SMCR8: variants seen among roughly 807,000 people sequenced by gnomAD.
SMCR8 encodes guanine nucleotide exchange protein SMCR8.
SMCR8 carries 30 observed loss-of-function variants against 56.6 expected under a neutral mutation model. The observed-to-expected ratio is 0.53, with a 90% CI of 0.40 to 0.72. The LOEUF (loss-of-function observed/expected upper bound fraction) is 0.72. SMCR8 is among the 30% of genes least tolerant of loss of function. SMCR8 has a pLI of 0.00. For missense variants in SMCR8, 1,198 were observed against 1,157.0 expected, an observed-to-expected ratio of 1.04 and a Z score of -0.51; for synonymous variants, 538 against 456.0, an observed-to-expected ratio of 1.18 and a Z score of -2.29.
intron 1 of SMCR8, 110 bp downstream of exon 1, chr17:18,318,259 T>A: frequency 9.6e-7 from 1 of 1,045,110 alleles, no homozygotes; most frequent in Non-Finnish European, 1.4e-6. Context: ...GCCCAGTTCC[T>A]ACCACTGTGT....
rs944389150 is a variant in SMCR8 at position 18,316,423 on chromosome 17, G to C, written c.634G>C (p.Glu212Gln). The change falls in exon 1 of 2, where the codon GAA becomes CAA. Residue 212 changes from glutamate to glutamine, a missense_variant. Coordinates refer to ENST00000406438, the MANE Select transcript of SMCR8 (RefSeq NM_144775.3). Reference sequence around the variant, plus strand: ...TTACACCAGGACAGTGCTACACACAGAAACGGAGATCCAGAAGAAAGCCAA... The same window carrying C: ...TTACACCAGGACAGTGCTACACACACAAACGGAGATCCAGAAGAAAGCCAA... ...LDYTRTVLHT[E>Q]TEIQKKANDK... 2 of 1,614,114 alleles carry C rather than the reference G, an allele frequency of 1.2e-6. No homozygotes were observed. Among genetic ancestry groups the C allele is most frequent in the Non-Finnish European group, 8.5e-7 (1 of 1,180,028 alleles).
At position 18,323,503 on chromosome 17, in the gene SMCR8, G is replaced by A; in HGVS notation, c.*433G>A. On this transcript the variant is annotated 3_prime_UTR_variant, in exon 2 of 2. Coordinates refer to ENST00000406438, the MANE Select transcript of SMCR8 (RefSeq NM_144775.3). ...AGGGTGACAGCCAGGTAACTGTTGT[G>A]GTTTGGTGGAAAACAGGAGGGCAGA... 5.4e-6 allele frequency: 1 copy of A among 185,138 alleles called. No individual in the cohort carries two copies. Among genetic ancestry groups the A allele is most frequent in the Non-Finnish European group, 1.2e-5 (1 of 86,570 alleles). The allele number at this position is 185,138 out of a possible 1,614,324, so 11.5% of individuals were successfully genotyped here.
Position 18,317,748 on chromosome 17 carries a change from C to T in SMCR8, c.1959C>T (p.Asp653=), listed in dbSNP as rs144142852. The change falls in exon 1 of 2, where the codon GAC becomes GAT. Residue 653 remains aspartate (D), a synonymous_variant. Transcript: ENST00000406438. ...AAGGGTTTCCCGCTTATGAGCTGGA[C>T]CCGAGCCACCTGCTGGCTAGCCGGG... ...SCEGFPAYEL[D]PSHLLASRDI... 5.0e-6 allele frequency: 8 copies of T among 1,614,018 alleles called. No homozygotes were observed. The African/African-American group carries it at 1.1e-4, about 22-fold the overall frequency.
Position 18,316,154 on chromosome 17 carries a change from A to G in SMCR8, c.365A>G (p.Lys122Arg), listed in dbSNP as rs143262009. Reference protein sequence around the residue: ...YPKLNFVEDSKVVLGDSKEGA... With the variant: ...YPKLNFVEDSRVVLGDSKEGA... The stretch of plus-strand genomic sequence containing the variant: ...AAGCTGAACTTCGTGGAGGACTCCA[A>G]GGTGGTGCTGGGAGATTCTAAGGAG... Residue 122 changes from lysine (K) to arginine (R), a missense_variant, in exon 1 of 2, where the codon AAG becomes AGG. Coordinates refer to ENST00000406438, the MANE Select transcript of SMCR8 (RefSeq NM_144775.3). The G allele has an allele frequency of 1.4e-5, 22 of 1,614,064 alleles. No individual in the cohort carries two copies. Among genetic ancestry groups the G allele is most frequent in the Middle Eastern group, 1.6e-4 (1 of 6,084 alleles).
rs949011163 is a variant in SMCR8 at position 18,323,246 on chromosome 17, G to T, written c.*176G>T. ...TGGACATGGGCAGAAGTGGAGCCTG[G>T]CTCCCTCTAAAGGCGTCTGGAGGGA... On this transcript the variant is annotated 3_prime_UTR_variant, in exon 2 of 2. Coordinates refer to ENST00000406438, the MANE Select transcript of SMCR8 (RefSeq NM_144775.3). The T allele has an allele frequency of 3.4e-5, 21 of 619,314 alleles. No individual in the cohort carries two copies. The highest frequency in any genetic ancestry group is 5.1e-5 in the Non-Finnish European group (18 of 356,332). The allele number at this position is 619,314 out of a possible 1,614,324, so 38.4% of individuals were successfully genotyped here.
chr17:18,318,099 C>T lies in SMCR8; in HGVS notation c.2310C>T (p.Ser770=), dbSNP rs1982388157. The T allele has an allele frequency of 1.2e-6, 2 of 1,614,084 alleles. No homozygotes were observed. Among genetic ancestry groups the T allele is most frequent in the African/African-American group, 1.3e-5 (1 of 75,058 alleles). The change falls in exon 1 of 2, where the codon TCC becomes TCT. Residue 770 remains serine (S), a synonymous_variant. Transcript: ENST00000406438. The part of the protein sequence containing the change: ...YAKPVKHWAS[S]PLHIMDFQKW... Reference sequence around the variant, plus strand: ...AGCCCGTGAAACATTGGGCCTCCTCCCCTTTGCACATTATGGATTTTCAGA... The same window carrying T: ...AGCCCGTGAAACATTGGGCCTCCTCTCCTTTGCACATTATGGATTTTCAGA...
rs1982550298 is a variant in SMCR8 at position 18,323,046 on chromosome 17, C to T, written c.2790C>T (p.Val930=). Reference sequence around the variant, plus strand: ...ACCCCATGCTCAGGTTTGACTATGTCCCCAGCTTTTTGTATAAAATCTGAG... The same window carrying T: ...ACCCCATGCTCAGGTTTGACTATGTTCCCAGCTTTTTGTATAAAATCTGAG... ...TSHPMLRFDY[V]PSFLYKI Residue 930 remains valine (V), a synonymous_variant, in exon 2 of 2, where the codon GTC becomes GTT. Transcript: ENST00000406438. 2.5e-6 allele frequency: 4 copies of T among 1,613,462 alleles called. No homozygotes were observed. Among genetic ancestry groups the T allele is most frequent in the Non-Finnish European group, 3.4e-6 (4 of 1,179,584 alleles).
chr17:18,315,912 T>C lies in SMCR8; in HGVS notation c.123T>C (p.Gly41=). The part of the protein sequence containing the change: ...SVPLFPFASQ[G]ANPWSKLSGA... ...CGCTCTTCCCCTTCGCCAGTCAGGG[T>C]GCTAACCCCTGGTCAAAACTGTCCG... Residue 41 remains glycine (G), a synonymous_variant, in exon 1 of 2, where the codon GGT becomes GGC. Transcript: ENST00000406438. 1 of 1,614,094 alleles carries C rather than the reference T, an allele frequency of 6.2e-7. No individual in the cohort carries two copies. Among genetic ancestry groups the C allele is most frequent in the East Asian group, 2.2e-5 (1 of 44,882 alleles).
At chr17:18,322,548 C>T (rs908554629) in intron 1 of SMCR8, 69 bp from the exon 2 acceptor site, 2 of 1,457,628 alleles carry the variant, frequency 1.4e-6, no homozygotes, top group Non-Finnish European at 9.4e-7. Context: ...GGAGGCCTCA[C>T]CTCCCAAGCT....
chr17:18,317,917 G>A lies in SMCR8; in HGVS notation c.2128G>A (p.Ala710Thr), dbSNP rs144125174. 2.7e-5 allele frequency: 43 copies of A among 1,614,014 alleles called. No individual in the cohort carries two copies. The Middle Eastern group carries it at 6.6e-4, about 25-fold the overall frequency. The part of the protein sequence containing the change: ...DRHKKRAGQN[A>T]LKFIRQYPFA... ...GCATAAAAAGAGGGCTGGCCAGAAC[G>A]CCTTAAAATTCATCCGCCAGTACCC... The change falls in exon 1 of 2, where the codon GCC (alanine) becomes ACC (threonine). Residue 710 changes from alanine to threonine, a missense_variant. By Grantham distance (58) the Ala-to-Thr change is moderately conservative. Coordinates refer to ENST00000406438, the MANE Select transcript of SMCR8 (RefSeq NM_144775.3).
rs759076875 is a variant in SMCR8, at chr17:18,317,161, C to G, written c.1372C>G (p.Leu458Val). 1.2e-6 allele frequency: 2 copies of G among 1,614,120 alleles called. No homozygotes were observed. The highest frequency in any genetic ancestry group is 1.1e-5 in the South Asian group (1 of 91,080). Reference protein sequence around the residue: ...SFDPQENLDYLDMDMKGSISS... With the variant: ...SFDPQENLDYVDMDMKGSISS... ...CGACCCCCAGGAAAACTTGGACTAC[C>G]TGGATATGGATATGAAAGGGAGTAT... Residue 458 changes from leucine to valine, a missense_variant, in exon 1 of 2, where the codon CTG (leucine) becomes GTG (valine). Coordinates refer to ENST00000406438, the MANE Select transcript of SMCR8 (RefSeq NM_144775.3).
In SMCR8 at chr17:18,322,802, G is replaced by A. The variant is rs1982540309; in HGVS notation, c.2546G>A (p.Ser849Asn). 1.2e-6 allele frequency: 2 copies of A among 1,614,098 alleles called. No individual in the cohort carries two copies. Among genetic ancestry groups the A allele is most frequent in the Admixed American group, 3.3e-5 (2 of 60,034 alleles). The change falls in exon 2 of 2, where the codon AGC becomes AAC. Residue 849 changes from serine (S) to asparagine (N), a missense_variant. Physicochemically the swap from Ser to Asn is conservative, Grantham distance 46 (BLOSUM62 1). Transcript: ENST00000406438. ...AGCACCTACTACCTGCATGTCCAGA[G>A]CATGCTCACCCAGCTCTGCTCCAAG... ...RGSTYYLHVQ[S>N]MLTQLCSKAF...
Position 18,317,301 on chromosome 17 carries a change from C to T in SMCR8, c.1512C>T (p.Ser504=), listed in dbSNP as rs756782159. The T allele has an allele frequency of 6.2e-7, 1 of 1,614,100 alleles. No homozygotes were observed. Residue 504 remains serine, a synonymous_variant, in exon 1 of 2, where the codon AGC becomes AGT. Coordinates refer to ENST00000406438, the MANE Select transcript of SMCR8 (RefSeq NM_144775.3). The part of the protein sequence containing the change: ...TVPLSPQVVR[S]KAVSHRTISE... The stretch of plus-strand genomic sequence containing the variant: ...CATTGAGCCCCCAGGTGGTCCGGAG[C>T]AAAGCAGTCAGCCACAGGACCATCA...
chr17:18,323,219 G>A lies in SMCR8; in HGVS notation c.*149G>A, dbSNP rs1306497469. The A allele has an allele frequency of 1.0e-5, 7 of 685,990 alleles. No individual in the cohort carries two copies. Among genetic ancestry groups the A allele is most frequent in the Non-Finnish European group, 1.7e-5 (7 of 411,906 alleles). The allele number at this position is 685,990 out of a possible 1,614,324, so 42.5% of individuals were successfully genotyped here. A position where few individuals can be genotyped will look rare whatever the true frequency, so the allele number is the denominator to read the frequency against. ...CCACGTGGCTCCTAGTAGTTTTTAAGTTGGACATGGGCAGAAGTGGAGCCT... is the reference window on the plus strand; with the variant it reads ...CCACGTGGCTCCTAGTAGTTTTTAAATTGGACATGGGCAGAAGTGGAGCCT... On this transcript the variant is annotated 3_prime_UTR_variant, in exon 2 of 2. Coordinates refer to ENST00000406438, the MANE Select transcript of SMCR8 (RefSeq NM_144775.3).
In SMCR8 at chr17:18,316,709, T is replaced by C. The variant is rs765001448; in HGVS notation, c.920T>C (p.Ile307Thr). 21 of 1,614,006 alleles carry C rather than the reference T, an allele frequency of 1.3e-5. No individual in the cohort carries two copies. Among genetic ancestry groups the C allele is most frequent in the Admixed American group, 5.0e-5 (3 of 59,998 alleles). ...AGACCAGCCTACACCCCAAAACTTA[T>C]CAAAGCAAAGTCCACCAAGTGTTTT... The part of the protein sequence containing the change: ...TCRPAYTPKL[I>T]KAKSTKCFDK... The change falls in exon 1 of 2, where the codon ATC becomes ACC. Residue 307 changes from isoleucine (I) to threonine (T), a missense_variant. Coordinates refer to ENST00000406438, the MANE Select transcript of SMCR8 (RefSeq NM_144775.3).
At position 18,317,200 on chromosome 17, in the gene SMCR8, A is replaced by C; in HGVS notation, c.1411A>C (p.Ser471Arg). Reference protein sequence around the residue: ...DMKGSISSGESIEVLGTEKST... With the variant: ...DMKGSISSGERIEVLGTEKST... The stretch of plus-strand genomic sequence containing the variant: ...GAAAGGGAGTATCAGCAGTGGTGAA[A>C]GTATTGAAGTTTTGGGCACGGAGAA... Residue 471 changes from serine (S) to arginine (R), a missense_variant, in exon 1 of 2, where the codon AGT (serine) becomes CGT (arginine). Coordinates refer to ENST00000406438, the MANE Select transcript of SMCR8 (RefSeq NM_144775.3). The C allele has an allele frequency of 6.2e-7, 1 of 1,614,108 alleles. No individual in the cohort carries two copies. The highest frequency in any genetic ancestry group is 8.5e-7 in the Non-Finnish European group (1 of 1,180,018).
In SMCR8 at chr17:18,317,111, T is replaced by C. The variant is rs757420505; in HGVS notation, c.1322T>C (p.Val441Ala). ...CTGGGAGATGAGGAGTACAAGGAAG[T>C]GGAAGTGACTGAGTTGAGCAGTTTC... ...QELGDEEYKE[V>A]EVTELSSFDP... is the part of the protein sequence containing the mutation. Residue 441 changes from valine (V) to alanine (A), a missense_variant, in exon 1 of 2, where the codon GTG (valine) becomes GCG (alanine). Val to Ala is a moderately conservative substitution (Grantham distance 64). Coordinates refer to ENST00000406438, the MANE Select transcript of SMCR8 (RefSeq NM_144775.3). 2 of 1,613,954 alleles carry C rather than the reference T, an allele frequency of 1.2e-6. No individual in the cohort carries two copies. The highest frequency in any genetic ancestry group is 4.5e-5 in the East Asian group (2 of 44,882).
In SMCR8 at chr17:18,323,880, A is replaced by C. The variant is rs1352832614; in HGVS notation, c.*810A>C. 3 of 152,510 alleles carry C rather than the reference A, an allele frequency of 2.0e-5. No individual in the cohort carries two copies. Among genetic ancestry groups the C allele is most frequent in the Non-Finnish European group, 4.4e-5 (3 of 68,264 alleles). The allele number at this position is 152,510 out of a possible 1,614,324, so 9.4% of individuals were successfully genotyped here. ...TTGGGGGCTGGAGAGCACAGCAGGC[A>C]GAGCAGGGCTGAGGCGCCATGAGGC... On this transcript the variant is annotated 3_prime_UTR_variant, in exon 2 of 2. Transcript: ENST00000406438.
Position 18,323,138 on chromosome 17 carries a change from CCAAA to C in SMCR8, c.*71_*74del. On this transcript the variant is annotated 3_prime_UTR_variant, in exon 2 of 2. Coordinates refer to ENST00000406438, the MANE Select transcript of SMCR8 (RefSeq NM_144775.3). The stretch of plus-strand genomic sequence containing the variant: ...ATGGGGAGGGGAGGGGTTGGCATGA[CCAAA>C]CAGTTGCCTGAGCTGGACTGTTTAA... The C allele has an allele frequency of 7.3e-7, 1 of 1,376,552 alleles. No individual in the cohort carries two copies. The highest frequency in any genetic ancestry group is 2.3e-5 in the East Asian group (1 of 43,170). 85.3% of individuals were successfully genotyped at this position (1,376,552 alleles called of 1,614,324 possible).
Sources: allele counts gnomAD v4.1 joint callset, GRCh38; gene constraint gnomAD v4.1.1; transcripts MANE v1.5; gene names NCBI Gene and HGNC (gene_info 2026-07-23, HGNC 2026-07-21).